Variants in ASTN2 observed in about 807,000 individuals in gnomAD.
ASTN2 encodes astrotactin-2.
Under a neutral mutation model 139.8 loss-of-function variants are expected in ASTN2, and 54 were observed. The observed-to-expected ratio is 0.39, with a 90% CI of 0.31 to 0.48. ASTN2 has a LOEUF of 0.48. Among genes scored for constraint, ASTN2 ranks in the 20% least tolerant of loss-of-function variants. The probability of loss-of-function intolerance (pLI) is 0.95; values close to 1 mark genes in which losing one functional copy is unlikely to be tolerated. For synonymous variants in ASTN2, 756 were observed against 719.5 expected (o/e 1.05, Z -0.81); for missense variants, 1,565 against 1,725.1 (o/e 0.91, Z 1.64).
intron 3 of ASTN2, among the ~76,000 whole-genome samples, chr9:117,150,908 G>A (rs1332619020): frequency 6.6e-6 from 1 of 151,974 alleles, no homozygotes; most frequent in East Asian, 1.9e-4. Flanking sequence ...TCACTATATT[G>A]CCCAGGTTGG....
At chr9:116,799,593 A>G (rs944557907) in intron 13 of ASTN2, among the ~76,000 whole-genome samples, 5 of 151,808 alleles carry the variant, frequency 3.3e-5, no homozygotes, top group African/African-American at 1.2e-4. Flanking sequence ...TTTCTGAGAC[A>G]CCAGGTTCAA....
At chr9:116,905,801 G>A (rs368797541) in intron 10 of ASTN2, among the ~76,000 whole-genome samples, 22 of 145,340 alleles carry the variant, frequency 1.5e-4, no homozygotes, top group East Asian at 1.0e-3. Context: ...CAATATTCAC[G>A]GTGCTCAGGG....
intron 10 of ASTN2, among the ~76,000 whole-genome samples, chr9:116,867,504 C>T (rs1258900095): frequency 2.2e-5 from 3 of 137,196 alleles, no homozygotes; most frequent in Non-Finnish European, 4.6e-5. Context: ...GAGCCAAGAT[C>T]GCGCCACTGC....
chr9:117,367,327 G>A (rs1054625817), intron 1 of ASTN2, among the ~76,000 whole-genome samples: 2 of 152,204 alleles, frequency 1.3e-5, no homozygotes, highest in African/African-American at 4.8e-5. Context: ...AGAAAAGGGA[G>A]TACAGTGATG....
chr9:116,632,385 A>G (rs1319270258), intron 17 of ASTN2, among the ~76,000 whole-genome samples: 1 of 152,078 alleles, frequency 6.6e-6, no homozygotes, highest in African/African-American at 2.4e-5. Flanking sequence ...GCTTGAGGCC[A>G]GGAATTTGAG....
chr9:117,008,253 CT>C lies in ASTN2; in HGVS notation c.1429del (p.Ser477AlafsTer4). The C allele has an allele frequency of 6.2e-7, 1 of 1,600,144 alleles. No individual in the cohort carries two copies. On this transcript the variant is annotated frameshift_variant, in exon 7 of 23. Transcript: ENST00000313400. LOFTEE classifies it high-confidence loss of function. ...VPEHFIADGS[S>X]FVVSEGSYLD... Reference sequence around the variant, plus strand: ...GTAGCTCCCTTCACTCACCACGAAGCTGCTTCCTATGGGTGAACGGAGAGAC... The same window carrying C: ...GTAGCTCCCTTCACTCACCACGAAGCGCTTCCTATGGGTGAACGGAGAGAC...
rs932431378 is a variant in ASTN2, at chr9:116,439,391, G to A, written c.3782+1218C>T. 1.4e-4 allele frequency among the ~76,000 whole-genome samples: 21 copies of A among 145,956 alleles called. 2 individuals carry two copies. In the East Asian group the frequency reaches 4.0e-3, roughly 28 times the overall value. On this transcript the variant is annotated intron_variant, in intron 22 of 22. Transcript: ENST00000313400. Reference sequence around the variant, plus strand: ...AATTTTTTGTATTTTTAGTAGAGACGGGGTTTCACCGTTTTAGCCGGGATG... The same window carrying A: ...AATTTTTTGTATTTTTAGTAGAGACAGGGTTTCACCGTTTTAGCCGGGATG...
At chr9:116,823,899 A>G (rs1831554249) in intron 11 of ASTN2, among the ~76,000 whole-genome samples, 1 of 152,206 alleles carries the variant, frequency 6.6e-6, no homozygotes, top group African/African-American at 2.4e-5. Flanking sequence ...GATGAGATCT[A>G]GCCATCGTTT....
chr9:116,912,680 C>A (rs1414199959), intron 10 of ASTN2, among the ~76,000 whole-genome samples: 1 of 152,108 alleles, frequency 6.6e-6, no homozygotes, highest in African/African-American at 2.4e-5. Flanking sequence ...TGCATCTAAT[C>A]CTGTTTATTG....
chr9:117,064,905 T>C (rs1440712430), intron 5 of ASTN2, among the ~76,000 whole-genome samples: 1 of 151,930 alleles, frequency 6.6e-6, no homozygotes, highest in African/African-American at 2.4e-5. Flanking sequence ...TTGTGGTGGG[T>C]TGAATTGTGG....
chr9:117,404,319 G>C (rs550848136), intron 1 of ASTN2, among the ~76,000 whole-genome samples: 1 of 152,102 alleles, frequency 6.6e-6, no homozygotes, highest in African/African-American at 2.4e-5. Flanking sequence ...CAGGGCTTTT[G>C]GTCCTCAGAC....
chr9:117,140,697 A>G (rs111644872), intron 4 of ASTN2, among the ~76,000 whole-genome samples: 1 of 151,436 alleles, frequency 6.6e-6, no homozygotes, highest in African/African-American at 2.4e-5. Flanking sequence ...GAAGGAGAAG[A>G]AGCAGCAGCA....
At position 117,031,400 on chromosome 9, in the gene ASTN2, A is replaced by C. The variant is rs181831241; in HGVS notation, c.1423+8419T>G. On this transcript the variant is annotated intron_variant, in intron 6 of 22. Transcript: ENST00000313400. ...GAATAAGCTGTGGTCCTTGCCCTTG[A>C]AAAAATTTAAGTCTAACCATTGAAT... is the stretch of plus-strand genomic sequence containing the variant. 7.2e-5 allele frequency among the ~76,000 whole-genome samples: 11 copies of C among 152,280 alleles called. No homozygotes were observed. The East Asian group carries it at 1.9e-3, about 27-fold the overall frequency.
chr9:116,712,484 T>A (rs1443416832), intron 16 of ASTN2, among the ~76,000 whole-genome samples: 2 of 152,204 alleles, frequency 1.3e-5, no homozygotes, highest in African/African-American at 4.8e-5. Flanking sequence ...GCACTATAAT[T>A]GTTGCTGAAT....
At chr9:117,060,227 C>T (rs948833459) in intron 5 of ASTN2, among the ~76,000 whole-genome samples, 7 of 151,208 alleles carry the variant, frequency 4.6e-5, no homozygotes, top group Admixed American at 4.0e-4. Context: ...ACAAGAATTG[C>T]TTGAACCTGG....
chr9:116,996,859 A>G (rs1837037044), intron 7 of ASTN2, among the ~76,000 whole-genome samples: 1 of 152,204 alleles, frequency 6.6e-6, no homozygotes. Flanking sequence ...TTTTTTAAAT[A>G]GTAGGACATA....
chr9:116,802,885 CT>C (rs1489484396), intron 13 of ASTN2, among the ~76,000 whole-genome samples: 11 of 152,310 alleles, frequency 7.2e-5, no homozygotes, highest in African/African-American at 2.4e-4. Context: ...GGAAAATGCC[CT>C]TTAACTCTTA....
At chr9:116,548,804 C>T (rs1852215861) in intron 19 of ASTN2, among the ~76,000 whole-genome samples, 1 of 152,084 alleles carries the variant, frequency 6.6e-6, no homozygotes, top group Non-Finnish European at 1.5e-5. Context: ...AACACCTGTG[C>T]CCCATCCCCA....
rs12339454 is a variant in ASTN2, at chr9:117,067,034, T to G, written c.1277-27069A>C. Among the ~76,000 whole-genome samples, 517 of 89,834 alleles carry G rather than the reference T, an allele frequency of 5.8e-3. 5 individuals are homozygous for G. Among genetic ancestry groups the G allele is most frequent in the African/African-American group, 0.02 (481 of 24,618 alleles). The allele number at this position is 89,834 out of a possible 152,430, so 58.9% of individuals were successfully genotyped here. A position where few individuals can be genotyped will look rare whatever the true frequency, so the allele number is the denominator to read the frequency against. ...AATTAGATCCCATTTGTCAATTTTG[T>G]CTTTTGTTGCCATTGCTTTTGGTGT... is the stretch of plus-strand genomic sequence containing the variant. On this transcript the variant is annotated intron_variant, in intron 5 of 22. Transcript: ENST00000313400.
Sources: allele counts gnomAD v4.1 joint callset (sites outside exome capture counted in the v4.1 genomes callset), GRCh38; gene constraint gnomAD v4.1.1; transcripts MANE v1.5; gene names NCBI Gene and HGNC (gene_info 2026-07-23, HGNC 2026-07-21).